The following NAALADL2 variants were observed in gnomAD, a reference collection of about 807,000 sequenced individuals.
The protein encoded by NAALADL2 is N-acetylated alpha-linked acidic dipeptidase like 2.
NAALADL2 carries 76 observed loss-of-function variants against 87.2 expected under a neutral mutation model. That is an observed-to-expected ratio of 0.87 (90% CI 0.72 to 1.05). The LOEUF (loss-of-function observed/expected upper bound fraction) is 1.05, where lower values mean the gene tolerates loss of function less well. Among genes scored for constraint, NAALADL2 ranks in the 50% least tolerant of loss-of-function variants. NAALADL2 has a pLI of 0.00. For missense variants in NAALADL2, 1,089 were observed against 945.8 expected (o/e 1.15, Z -1.99); for synonymous variants, 354 against 331.0 (o/e 1.07, Z -0.75).
At chr3:174,969,855 C>T (rs551518584) in intron 1 of NAALADL2, among the ~76,000 whole-genome samples, 14 of 152,030 alleles carry the variant, frequency 9.2e-5, no homozygotes, top group Non-Finnish European at 2.1e-4. Context: ...ATAAAGAAGA[C>T]CTAAACATAA....
chr3:175,721,196 A>T (rs1742187714), intron 11 of NAALADL2, among the ~76,000 whole-genome samples: 1 of 152,086 alleles, frequency 6.6e-6, no homozygotes, highest in Non-Finnish European at 1.5e-5. Context: ...CTTGTCTAAG[A>T]TTTAATGTGC....
intron 1 of NAALADL2, among the ~76,000 whole-genome samples, chr3:174,925,330 C>A (rs1735844448): frequency 1.3e-5 from 2 of 152,152 alleles, no homozygotes; most frequent in Admixed American, 1.3e-4. Flanking sequence ...AAAAGGGAAT[C>A]CTTTCCCCAT....
intron 1 of NAALADL2, among the ~76,000 whole-genome samples, chr3:174,889,640 TA>T (rs555502111): frequency 0.12 from 18,125 of 146,982 alleles, 1,168 homozygotes; most frequent in Non-Finnish European, 0.15. Context: ...ATCCAAGCAC[TA>T]AAAAAAAAAA....
intron 9 of NAALADL2, among the ~76,000 whole-genome samples, chr3:175,527,365 T>C (rs1458867840): frequency 1.3e-5 from 2 of 152,212 alleles, no homozygotes; most frequent in Admixed American, 6.5e-5. Flanking sequence ...GGACTGGTAA[T>C]ATCTTCTTGA....
intron 3 of NAALADL2, among the ~76,000 whole-genome samples, chr3:175,247,961 A>C (rs1447965948): frequency 6.6e-6 from 1 of 152,208 alleles, no homozygotes; most frequent in Non-Finnish European, 1.5e-5. Context: ...GAGATCCAGA[A>C]AAGTTCATTT....
Position 175,361,832 on chromosome 3 carries a change from G to A in NAALADL2, c.1090+37507G>A, listed in dbSNP as rs150961504. Among the ~76,000 whole-genome samples, 10 of 147,944 alleles carry A rather than the reference G, an allele frequency of 6.8e-5. 2 individuals carry two copies. The highest frequency in any genetic ancestry group is 2.1e-4 in the Admixed American group (3 of 14,470). On this transcript the variant is annotated intron_variant, in intron 5 of 13. Transcript: ENST00000454872. The stretch of plus-strand genomic sequence containing the variant: ...TTCTGTAGGTTGCCTGCTCACTCTG[G>A]TGGTAGTTTCTTTTGCTGTGCAGAA...
intron 5 of NAALADL2, among the ~76,000 whole-genome samples, chr3:175,402,899 A>G (rs151321126): frequency 4.5e-4 from 69 of 152,230 alleles, no homozygotes; most frequent in African/African-American, 1.6e-3. Flanking sequence ...TCTCTGAGAG[A>G]AGGGCAAGGT....
chr3:174,576,931 T>C (rs557519098), intron 2 of NAALADL2, among the ~76,000 whole-genome samples: 4 of 152,318 alleles, frequency 2.6e-5, no homozygotes, highest in Admixed American at 2.0e-4. Context: ...ATATTTATAA[T>C]CTTAATATAT....
intron 4 of NAALADL2, among the ~76,000 whole-genome samples, chr3:175,314,693 T>C (rs1321557860): frequency 1.3e-5 from 1 of 76,540 alleles, no homozygotes; most frequent in East Asian, 5.5e-4. Context: ...TATATATATA[T>C]ATATATATAT....
chr3:175,244,184 T>C (rs995158835), intron 3 of NAALADL2, among the ~76,000 whole-genome samples: 2 of 152,204 alleles, frequency 1.3e-5, no homozygotes, highest in African/African-American at 4.8e-5. Context: ...AATAGTTTTA[T>C]TCCTAGTTTG....
chr3:174,663,794 C>CT (rs71162401), intron 2 of NAALADL2, among the ~76,000 whole-genome samples: 94,497 of 142,568 alleles, frequency 0.66, 31,709 homozygotes, highest in Admixed American at 0.74. Flanking sequence ...TTTTTTTTTT[C>CT]TTTTTTTTTT....
intron 2 of NAALADL2, among the ~76,000 whole-genome samples, chr3:174,557,092 C>G (rs1382490477): frequency 6.6e-6 from 1 of 152,048 alleles, no homozygotes; most frequent in Non-Finnish European, 1.5e-5. Flanking sequence ...CATGTAATTG[C>G]TATACAAAAA....
intron 2 of NAALADL2, among the ~76,000 whole-genome samples, chr3:175,193,153 C>G (rs1738456895): frequency 6.6e-6 from 1 of 151,766 alleles, no homozygotes; most frequent in South Asian, 2.1e-4. Context: ...TGTGGTAGAA[C>G]AGCAACAAAA....
intron 9 of NAALADL2, among the ~76,000 whole-genome samples, chr3:175,539,255 G>A (rs986923115): frequency 1.3e-5 from 2 of 152,080 alleles, no homozygotes; most frequent in Non-Finnish European, 2.9e-5. Flanking sequence ...AAATACTTTT[G>A]ATCAAGCAAA....
intron 2 of NAALADL2, among the ~76,000 whole-genome samples, chr3:174,696,919 C>T (rs1211751068): frequency 6.6e-6 from 1 of 152,000 alleles, no homozygotes; most frequent in African/African-American, 2.4e-5. Context: ...TCTGGTTCAA[C>T]AAGTGTAAAA....
chr3:175,367,565 G>C (rs1765800293), intron 5 of NAALADL2, among the ~76,000 whole-genome samples: 1 of 152,108 alleles, frequency 6.6e-6, no homozygotes, highest in Non-Finnish European at 1.5e-5. Context: ...TCCTTGAAGA[G>C]GTCCTCCACG....
chr3:175,785,331 G>C (rs1751776905), intron 13 of NAALADL2, among the ~76,000 whole-genome samples: 1 of 147,912 alleles, frequency 6.8e-6, no homozygotes, highest in Admixed American at 6.7e-5. Flanking sequence ...ATTAATGTGT[G>C]GGAGTCTAAG....
chr3:175,182,345 A>G (rs905824606), intron 2 of NAALADL2, among the ~76,000 whole-genome samples: 1 of 151,778 alleles, frequency 6.6e-6, no homozygotes, highest in Non-Finnish European at 1.5e-5. Flanking sequence ...TAATTCATAC[A>G]TCTTTTCTCT....
At position 175,765,958 on chromosome 3, in the gene NAALADL2, C is replaced by G. The variant is rs952310580; in HGVS notation, c.2189+10540C>G. ...TTTGTTTTCTCTAAAAACCACCACTCTTTCTACTAGACAATACTGCATACA... is the reference window on the plus strand; with the variant it reads ...TTTGTTTTCTCTAAAAACCACCACTGTTTCTACTAGACAATACTGCATACA... On this transcript the variant is annotated intron_variant, in intron 13 of 13. Transcript: ENST00000454872. Among the ~76,000 whole-genome samples, 16 of 152,234 alleles carry G rather than the reference C, an allele frequency of 1.1e-4. No homozygotes were observed. In the East Asian group the frequency reaches 1.7e-3, roughly 17 times the overall value.
Sources: allele counts gnomAD v4.1 joint callset (sites outside exome capture counted in the v4.1 genomes callset), GRCh38; gene constraint gnomAD v4.1.1; transcripts MANE v1.5; gene names NCBI Gene and HGNC (gene_info 2026-07-23, HGNC 2026-07-21).